LINGO2: variants seen among roughly 807,000 people sequenced by gnomAD.
LINGO2 encodes leucine rich repeat and Ig domain containing 2, also known as leucine-rich repeat and immunoglobulin-like domain-containing nogo receptor-interacting protein 2.
Under a neutral mutation model 30.6 loss-of-function variants are expected in LINGO2, and 14 were observed. That is an observed-to-expected ratio of 0.46 (90% CI 0.30 to 0.72). LINGO2 has a LOEUF of 0.72. LINGO2 is among the 30% of genes least tolerant of loss of function. LINGO2 has a pLI of 0.07. For synonymous variants in LINGO2, 317 were observed against 288.5 expected (o/e 1.10, Z -1.00); for missense variants, 729 against 751.7 (o/e 0.97, Z 0.35).
Position 28,362,230 on chromosome 9 carries a change from GCGCA to G in LINGO2, c.-246+10602_-246+10605del. On this transcript the variant is annotated intron_variant, in intron 3 of 5. Coordinates refer to ENST00000379992, the Ensembl canonical transcript of LINGO2. ...TGTGTGTGTATGTGTGTGTGTGTGT[GCGCA>G]TGCGCATGTGTGTGCACGTGTGTGT... Among the ~76,000 whole-genome samples the G allele has an allele frequency of 2.6e-5, 4 of 151,238 alleles. No individual in the cohort carries two copies. In the South Asian group the frequency reaches 8.6e-4, roughly 32 times the overall value.
intron 1 of LINGO2, among the ~76,000 whole-genome samples, chr9:28,548,657 T>C (rs1041634447): frequency 7.7e-6 from 1 of 130,184 alleles, no homozygotes; most frequent in African/African-American, 3.0e-5. Context: ...TGAGCCGAGA[T>C]TGAGCCACTG....
intron 1 of LINGO2, among the ~76,000 whole-genome samples, chr9:28,547,760 T>C (rs1483584326): frequency 2.6e-5 from 4 of 152,014 alleles, no homozygotes; most frequent in Admixed American, 6.6e-5. Flanking sequence ...TTAGTGCCCA[T>C]TAAGAAGGTA....
intron 1 of LINGO2, among the ~76,000 whole-genome samples, chr9:28,627,215 G>A (rs978936342): frequency 1.3e-5 from 2 of 151,964 alleles, no homozygotes; most frequent in African/African-American, 4.8e-5. Context: ...GATGTTCCAG[G>A]TATTTATGAA....
At chr9:28,705,858 G>A in the LINGO2 span, among the ~76,000 whole-genome samples, 6 of 152,166 alleles carry the variant, frequency 3.9e-5, no homozygotes, top group South Asian at 2.1e-4. Flanking sequence ...TATCCAGTCC[G>A]TGTTTCCAAT....
At chr9:28,902,016 A>G in the LINGO2 span, among the ~76,000 whole-genome samples, 2 of 152,156 alleles carry the variant, frequency 1.3e-5, no homozygotes, top group Non-Finnish European at 2.9e-5. Flanking sequence ...ATAGTGAGAT[A>G]CTGGCTCTAA....
intron 5 of LINGO2, among the ~76,000 whole-genome samples, chr9:27,958,467 G>A (rs1025137099): frequency 6.6e-6 from 1 of 152,062 alleles, no homozygotes; most frequent in African/African-American, 2.4e-5. Context: ...CCGTATTCAT[G>A]ATTTTGCTTT....
At chr9:28,519,872 C>A (rs1218529806) in intron 1 of LINGO2, among the ~76,000 whole-genome samples, 1 of 152,032 alleles carries the variant, frequency 6.6e-6, no homozygotes, top group South Asian at 2.1e-4. Flanking sequence ...CCCTTGATCC[C>A]CAATTTTTTT....
intron 2 of LINGO2, among the ~76,000 whole-genome samples, chr9:28,436,735 G>A (rs1823956202): frequency 6.6e-6 from 1 of 152,150 alleles, no homozygotes; most frequent in Non-Finnish European, 1.5e-5. Flanking sequence ...GGGATTACAG[G>A]CATAAGCCAC....
chr9:29,096,449 C>A, the LINGO2 span, among the ~76,000 whole-genome samples: 3 of 139,138 alleles, frequency 2.2e-5, no homozygotes, highest in Non-Finnish European at 4.7e-5. Flanking sequence ...TTATGCCCAT[C>A]TAATTTTTGT....
At chr9:28,068,057 A>T (rs565239447) in intron 4 of LINGO2, among the ~76,000 whole-genome samples, 7 of 152,246 alleles carry the variant, frequency 4.6e-5, no homozygotes, top group African/African-American at 1.7e-4. Context: ...GGAATGACTA[A>T]AGTCTCTGTC....
At chr9:28,447,284 A>T (rs760344586) in intron 2 of LINGO2, among the ~76,000 whole-genome samples, 2 of 152,176 alleles carry the variant, frequency 1.3e-5, no homozygotes, top group Non-Finnish European at 2.9e-5. Flanking sequence ...TTAGAAGGTG[A>T]TTAATCATGA....
At chr9:28,910,449 CTGAT>C in the LINGO2 span, among the ~76,000 whole-genome samples, 5 of 152,004 alleles carry the variant, frequency 3.3e-5, no homozygotes, top group African/African-American at 1.2e-4. Flanking sequence ...GGCATACACT[CTGAT>C]AATGTTTGGC....
chr9:28,708,613 A>G, the LINGO2 span, among the ~76,000 whole-genome samples: 3 of 152,112 alleles, frequency 2.0e-5, no homozygotes, highest in Non-Finnish European at 4.4e-5. Context: ...TCAGTGTGAA[A>G]CAATGAGGGA....
At chr9:28,091,564 A>G (rs1826088233) in intron 4 of LINGO2, among the ~76,000 whole-genome samples, 1 of 152,178 alleles carries the variant, frequency 6.6e-6, no homozygotes, top group Admixed American at 6.5e-5. Context: ...GATGGATTAA[A>G]GCTTAAATGT....
chr9:29,080,090 G>A, the LINGO2 span, among the ~76,000 whole-genome samples: 4 of 152,026 alleles, frequency 2.6e-5, no homozygotes, highest in Admixed American at 2.6e-4. Flanking sequence ...TTTTTTGGTT[G>A]GTAGGCTATT....
intron 3 of LINGO2, among the ~76,000 whole-genome samples, chr9:28,306,467 G>A (rs1290504662): frequency 6.6e-6 from 1 of 152,064 alleles, no homozygotes; most frequent in Non-Finnish European, 1.5e-5. Context: ...ATGCCCACAA[G>A]AGAAAGCAGG....
intron 1 of LINGO2, among the ~76,000 whole-genome samples, chr9:28,638,327 G>A (rs1290662264): frequency 6.6e-6 from 1 of 152,106 alleles, no homozygotes; most frequent in East Asian, 1.9e-4. Context: ...GATGATGCTG[G>A]CCTCATAAAA....
the LINGO2 span, among the ~76,000 whole-genome samples, chr9:28,978,888 T>C: frequency 6.6e-6 from 1 of 152,152 alleles, no homozygotes; most frequent in Non-Finnish European, 1.5e-5. Flanking sequence ...AAATGAATAT[T>C]CTCATTTTAG....
At chr9:27,973,755 T>C (rs1350764131) in intron 5 of LINGO2, among the ~76,000 whole-genome samples, 1 of 152,054 alleles carries the variant, frequency 6.6e-6, no homozygotes, top group Admixed American at 6.6e-5. Context: ...AGTATTGCCA[T>C]TGCGAGAAAA....
Sources: gnomAD v4.1 joint callset for allele counts (sites outside exome capture counted in the v4.1 genomes callset) on GRCh38, gnomAD v4.1.1 for gene constraint, MANE v1.5 for transcripts, NCBI Gene and HGNC (gene_info 2026-07-23, HGNC 2026-07-21) for gene names.